The following LARS2 variants were observed in gnomAD, a reference collection of about 807,000 sequenced individuals.
LARS2 encodes the protein leucine--tRNA ligase, mitochondrial.
A neutral mutation model predicts 116.6 loss-of-function variants in LARS2; 81 were observed. The observed-to-expected ratio is 0.69, with a 90% confidence interval of 0.58 to 0.84. The LOEUF (loss-of-function observed/expected upper bound fraction) is 0.84, where lower values mean the gene tolerates loss of function less well. LARS2 is among the 40% of genes least tolerant of loss of function. The pLI is 0.00. For synonymous variants in LARS2, 396 were observed against 407.2 expected (o/e 0.97, Z 0.33); for missense variants, 968 against 1,114.5 (o/e 0.87, Z 1.87).
chr3:45,447,090 C>A (rs1358849298), intron 7 of LARS2, 110 bp downstream of exon 7: 3 of 641,442 alleles, frequency 4.7e-6, no homozygotes, highest in Non-Finnish European at 8.2e-6. Context: ...TCAGTCACAG[C>A]AGACCCAGAA....
At position 45,516,189 on chromosome 3, in the gene LARS2, G is replaced by A; in HGVS notation, c.1957G>A (p.Val653Ile). 1.2e-6 allele frequency: 2 copies of A among 1,614,232 alleles called. No individual in the cohort carries two copies. Among genetic ancestry groups the A allele is most frequent in the Admixed American group, 1.7e-5 (1 of 60,024 alleles). Residue 653 changes from valine (V) to isoleucine (I), a missense_variant, in exon 17 of 22, where the codon GTT becomes ATT. Coordinates refer to ENST00000645846, the MANE Select transcript of LARS2 (RefSeq NM_015340.4). ...ACACAACGGGGTGGACCCAGAGGAAGTTGTGGAGCAGTATGGGATCGACAC... is the reference window on the plus strand; with the variant it reads ...ACACAACGGGGTGGACCCAGAGGAAATTGTGGAGCAGTATGGGATCGACAC... ...SKHNGVDPEE[V>I]VEQYGIDTIR...
chr3:45,476,484 C>T lies in LARS2; in HGVS notation c.875C>T (p.Thr292Met), dbSNP rs1699611037. The stretch of plus-strand genomic sequence containing the variant: ...TATCACCAGGTTCATGGGCAAGCCA[C>T]GGGCGAAAAGCTGACTGCCTATACG... ...DFTLKVHGQATGEKLTAYTAT... is the reference protein window; with the variant it reads ...DFTLKVHGQAMGEKLTAYTAT... The change falls in exon 10 of 22, where the codon ACG becomes ATG. Residue 292 changes from threonine (T) to methionine (M), a missense_variant. Coordinates refer to ENST00000645846, the MANE Select transcript of LARS2 (RefSeq NM_015340.4). 1.4e-5 allele frequency: 23 copies of T among 1,614,178 alleles called. No homozygotes were observed. Among genetic ancestry groups the T allele is most frequent in the South Asian group, 5.5e-5 (5 of 91,084 alleles).
intron 19 of LARS2, 33 bp downstream of exon 19, chr3:45,520,329 AGGAG>A: frequency 6.4e-7 from 1 of 1,561,384 alleles, no homozygotes; most frequent in Non-Finnish European, 8.8e-7. Context: ...CTGGTAGCAG[AGGAG>A]GGAGGGAGAG....
intron 15 of LARS2, among the ~76,000 whole-genome samples, chr3:45,504,988 C>T (rs1007158657): frequency 1.3e-5 from 2 of 150,916 alleles, no homozygotes; most frequent in South Asian, 2.1e-4. Context: ...GGCTGAGGCA[C>T]GAGAATTGCT....
At chr3:45,547,321 A>G (rs376328085) in intron 21 of LARS2, 30 bp from the exon 22 acceptor site, 1 of 1,579,306 alleles carries the variant, frequency 6.3e-7, no homozygotes, top group African/African-American at 1.4e-5. Flanking sequence ...GATGTTCCTC[A>G]TTGTTTATCT....
At chr3:45,530,892 T>C (rs1356680295) in intron 20 of LARS2, among the ~76,000 whole-genome samples, 1 of 152,214 alleles carries the variant, frequency 6.6e-6, no homozygotes, top group African/African-American at 2.4e-5. Context: ...CTCTGCATAA[T>C]TTGTTAAGTT....
At chr3:45,473,380 GTTTTGTT>G in intron 8 of LARS2, among the ~76,000 whole-genome samples, 1 of 144,350 alleles carries the variant, frequency 6.9e-6, no homozygotes, top group African/African-American at 2.6e-5. Context: ...TTTTGTTTTT[GTTTTGTT>G]TTTTGTTTTT....
At chr3:45,541,775 A>C (rs1700799893) in intron 20 of LARS2, 54 bp from the exon 21 acceptor site, 1 of 1,601,130 alleles carries the variant, frequency 6.2e-7, no homozygotes, top group African/African-American at 1.3e-5. Context: ...TCCTGCTCTC[A>C]TAAGCCTCCC....
intron 21 of LARS2, among the ~76,000 whole-genome samples, chr3:45,542,836 G>A (rs1700818423): frequency 6.6e-6 from 1 of 152,260 alleles, no homozygotes; most frequent in Non-Finnish European, 1.5e-5. Context: ...GGACAGACAG[G>A]TTCCCTGCCC....
chr3:45,493,139 G>A (rs947684146), intron 13 of LARS2, among the ~76,000 whole-genome samples: 2 of 151,312 alleles, frequency 1.3e-5, no homozygotes, highest in Non-Finnish European at 2.9e-5. Context: ...TCGCTCTGTC[G>A]CCCAGGCTGG....
intron 15 of LARS2, among the ~76,000 whole-genome samples, chr3:45,510,693 A>G (rs769805679): frequency 2.6e-5 from 4 of 152,168 alleles, no homozygotes; most frequent in Non-Finnish European, 5.9e-5. Flanking sequence ...TTGAAAGAGC[A>G]GAGGGAGTGG....
chr3:45,468,436 G>C lies in LARS2; in HGVS notation c.751-5807G>C, dbSNP rs143388308. On this transcript the variant is annotated intron_variant, in intron 8 of 21. Coordinates refer to ENST00000645846, the MANE Select transcript of LARS2 (RefSeq NM_015340.4). ...AGATTAGGCTGAGGACAATTTTCAA[G>C]TTGTAGCTATTGGACTACTCCCTCC... Among the ~76,000 whole-genome samples, 435 of 152,282 alleles carry C rather than the reference G, an allele frequency of 2.9e-3. 7 individuals carry two copies. Among genetic ancestry groups the C allele is most frequent in the African/African-American group, 9.9e-3 (412 of 41,546 alleles).
At position 45,468,031 on chromosome 3, in the gene LARS2, C is replaced by T. The variant is rs1422061889; in HGVS notation, c.751-6212C>T. Among the ~76,000 whole-genome samples, 9 of 151,598 alleles carry T rather than the reference C, an allele frequency of 5.9e-5. No individual in the cohort carries two copies. The East Asian group carries it at 1.4e-3, about 23-fold the overall frequency. ...GAGGATCACTTGAGCCCCAGGAGGT[C>T]GAGGCTGCAGTGAGCCGAGATCACC... On this transcript the variant is annotated intron_variant, in intron 8 of 21. Coordinates refer to ENST00000645846, the MANE Select transcript of LARS2 (RefSeq NM_015340.4).
intron 5 of LARS2, 73 bp from the exon 6 acceptor site, chr3:45,419,596 A>G: frequency 9.7e-7 from 1 of 1,030,740 alleles, no homozygotes. Flanking sequence ...TTCCCTTTAC[A>G]TTCTCAAAGT....
chr3:45,398,862 C>G (rs1004753551), intron 3 of LARS2, among the ~76,000 whole-genome samples: 1 of 152,052 alleles, frequency 6.6e-6, no homozygotes, highest in African/African-American at 2.4e-5. Flanking sequence ...AACAGTAGGT[C>G]CCCCCATGAA....
At chr3:45,494,108 C>G (rs1243801061) in intron 13 of LARS2, among the ~76,000 whole-genome samples, 3 of 152,142 alleles carry the variant, frequency 2.0e-5, no homozygotes, top group African/African-American at 7.2e-5. Context: ...CCCGAGGGCT[C>G]TCTCTGAAAA....
chr3:45,425,902 T>C (rs887719242), intron 6 of LARS2, among the ~76,000 whole-genome samples: 3 of 144,118 alleles, frequency 2.1e-5, no homozygotes, highest in Non-Finnish European at 4.5e-5. Flanking sequence ...AGCCTTTTTT[T>C]TTTTCTTTTC....
At chr3:45,407,324 T>C (rs1015505032) in intron 4 of LARS2, among the ~76,000 whole-genome samples, 7 of 152,242 alleles carry the variant, frequency 4.6e-5, no homozygotes, top group Admixed American at 3.3e-4. Context: ...CATTTAGTTT[T>C]CAAATTTGCA....
rs189829784 is a variant in LARS2, at chr3:45,422,258, G to T, written c.516+2529G>T. The stretch of plus-strand genomic sequence containing the variant: ...TAATGAATGTTTGAATTTGAACAGG[G>T]TATGTATGTGAATGGTCTAATCATG... On this transcript the variant is annotated intron_variant, in intron 6 of 21. Coordinates refer to ENST00000645846, the MANE Select transcript of LARS2 (RefSeq NM_015340.4). 3.3e-5 allele frequency: 5 copies of T among 152,062 alleles called. No individual in the cohort carries two copies. The East Asian group carries it at 5.8e-4, about 18-fold the overall frequency. 9.4% of individuals were successfully genotyped at this position (152,062 alleles called of 1,614,324 possible). A position where few individuals can be genotyped will look rare whatever the true frequency, so the allele number is the denominator to read the frequency against.
Sources: gnomAD v4.1 joint callset for allele counts (sites outside exome capture counted in the v4.1 genomes callset) on GRCh38, gnomAD v4.1.1 for gene constraint, MANE v1.5 for transcripts, NCBI Gene and HGNC (gene_info 2026-07-23, HGNC 2026-07-21) for gene names.